DLG2: variants seen among roughly 807,000 people sequenced by gnomAD.
DLG2 encodes the protein discs large MAGUK scaffold protein 2, also known as disks large homolog 2.
A neutral mutation model predicts 132.5 loss-of-function variants in DLG2; 45 were observed. That is an observed-to-expected ratio of 0.34 (90% CI 0.27 to 0.44). The LOEUF (loss-of-function observed/expected upper bound fraction) is 0.44. Among genes scored for constraint, DLG2 ranks in the 20% least tolerant of loss-of-function variants. The pLI is 1.00. For missense variants in DLG2, 1,045 were observed against 1,196.9 expected, an observed-to-expected ratio of 0.87 and a Z score of 1.87; for synonymous variants, 424 against 419.6, an observed-to-expected ratio of 1.01 and a Z score of -0.13.
chr11:84,817,200 G>A (rs1344363143), intron 6 of DLG2, among the ~76,000 whole-genome samples: 4 of 152,004 alleles, frequency 2.6e-5, no homozygotes, highest in Non-Finnish European at 5.9e-5. Flanking sequence ...CTTACATTGT[G>A]CAGGAACCAT....
At chr11:84,776,398 C>T (rs999876941) in intron 6 of DLG2, among the ~76,000 whole-genome samples, 5 of 152,120 alleles carry the variant, frequency 3.3e-5, no homozygotes, top group Non-Finnish European at 7.4e-5. Flanking sequence ...CTCTAGCAAT[C>T]CCCCAGCCTT....
intron 4 of DLG2, among the ~76,000 whole-genome samples, chr11:85,216,191 A>C (rs2152574641): frequency 6.6e-6 from 1 of 152,272 alleles, no homozygotes; most frequent in Admixed American, 6.5e-5. Flanking sequence ...GTTTTTTAAA[A>C]GGCAGGCAAT....
chr11:85,420,015 C>T (rs1435581247), intron 3 of DLG2, among the ~76,000 whole-genome samples: 1 of 152,180 alleles, frequency 6.6e-6, no homozygotes, highest in East Asian at 1.9e-4. Context: ...AAGAGGCATT[C>T]TGGTTTTTGG....
chr11:83,802,648 C>A (rs1442672930), intron 17 of DLG2, among the ~76,000 whole-genome samples: 4 of 152,012 alleles, frequency 2.6e-5, no homozygotes, highest in African/African-American at 9.7e-5. Context: ...AGATAATGAA[C>A]TATTCATATA....
chr11:85,011,455 A>C (rs778751030), intron 6 of DLG2, among the ~76,000 whole-genome samples: 6 of 152,230 alleles, frequency 3.9e-5, no homozygotes, highest in Non-Finnish European at 8.8e-5. Flanking sequence ...AAAACTGACA[A>C]AAATATTTGA....
At chr11:84,355,064 T>G (rs528570337) in intron 7 of DLG2, among the ~76,000 whole-genome samples, 21 of 152,208 alleles carry the variant, frequency 1.4e-4, no homozygotes, top group Non-Finnish European at 2.4e-4. Flanking sequence ...CCTACTTTAG[T>G]TCACAGTGTA....
intron 4 of DLG2, among the ~76,000 whole-genome samples, chr11:85,203,937 T>C (rs745864603): frequency 1.5e-4 from 23 of 152,192 alleles, no homozygotes; most frequent in Non-Finnish European, 2.6e-4. Context: ...ACAAAAACAA[T>C]ACTATCATTT....
intron 4 of DLG2, among the ~76,000 whole-genome samples, chr11:85,246,936 A>T (rs908678948): frequency 6.6e-6 from 1 of 152,114 alleles, no homozygotes; most frequent in Non-Finnish European, 1.5e-5. Flanking sequence ...TGGGGAACCC[A>T]CTAGAATAGC....
intron 8 of DLG2, among the ~76,000 whole-genome samples, chr11:84,212,354 T>C (rs2096767845): frequency 6.6e-6 from 1 of 152,232 alleles, no homozygotes; most frequent in African/African-American, 2.4e-5. Flanking sequence ...TTGAATCTTA[T>C]ATAATTTGGG....
intron 15 of DLG2, among the ~76,000 whole-genome samples, chr11:83,891,468 G>A (rs564343773): frequency 4.3e-4 from 65 of 152,302 alleles, no homozygotes; most frequent in African/African-American, 1.5e-3. Flanking sequence ...AAGAGGTCAT[G>A]AGCGCTTTTA....
chr11:85,082,801 AT>A (rs1196407165), intron 6 of DLG2, among the ~76,000 whole-genome samples: 1 of 149,202 alleles, frequency 6.7e-6, no homozygotes, highest in African/African-American at 2.5e-5. Context: ...GTTCCCCACA[AT>A]TTAGAATTCT....
At chr11:84,795,171 C>T (rs1296683555) in intron 6 of DLG2, among the ~76,000 whole-genome samples, 1 of 152,232 alleles carries the variant, frequency 6.6e-6, no homozygotes, top group Non-Finnish European at 1.5e-5. Context: ...CAGACTTCGC[C>T]GGACTTGGGC....
At chr11:84,520,347 T>C (rs1202112896) in intron 7 of DLG2, among the ~76,000 whole-genome samples, 1 of 152,134 alleles carries the variant, frequency 6.6e-6, no homozygotes, top group Non-Finnish European at 1.5e-5. Flanking sequence ...TTTGACATGG[T>C]TTTAATAGCC....
intron 11 of DLG2, among the ~76,000 whole-genome samples, chr11:83,985,600 A>G (rs1426743279): frequency 2.6e-5 from 4 of 152,044 alleles, no homozygotes; most frequent in Non-Finnish European, 5.9e-5. Flanking sequence ...AAGTGACAAC[A>G]TGTGGTGTTT....
intron 6 of DLG2, among the ~76,000 whole-genome samples, chr11:84,720,651 T>C (rs1404073713): frequency 2.0e-5 from 3 of 151,626 alleles, no homozygotes; most frequent in African/African-American, 4.8e-5. Context: ...TACGGTGAAT[T>C]TGGGGGAGGT....
intron 8 of DLG2, among the ~76,000 whole-genome samples, chr11:84,200,802 C>T (rs768761381): frequency 2.0e-5 from 3 of 152,084 alleles, no homozygotes; most frequent in African/African-American, 4.8e-5. Context: ...GATTCGGTAT[C>T]CTGAGACTTT....
chr11:83,756,448 A>G lies in DLG2; in HGVS notation c.1825+30242T>C, dbSNP rs531370156. ...GCTTTTATGCTAAAAGCAAACAAAC[A>G]AAACAATAAGAACTTGTGAAGAGAA... On this transcript the variant is annotated intron_variant, in intron 18 of 27. Transcript: ENST00000376104. Among the ~76,000 whole-genome samples, 268 of 151,676 alleles carry G rather than the reference A, an allele frequency of 1.8e-3. 19 individuals carry two copies. Among genetic ancestry groups the G allele is most frequent in the African/African-American group, 6.5e-3 (266 of 40,932 alleles).
chr11:85,085,158 T>A (rs936984996), intron 6 of DLG2, among the ~76,000 whole-genome samples: 1 of 152,088 alleles, frequency 6.6e-6, no homozygotes, highest in Admixed American at 6.5e-5. Context: ...TCCACTGTAT[T>A]ACTGAGAAAT....
At chr11:84,995,641 T>G (rs1409459587) in intron 6 of DLG2, among the ~76,000 whole-genome samples, 1 of 152,216 alleles carries the variant, frequency 6.6e-6, no homozygotes, top group Non-Finnish European at 1.5e-5. Context: ...GAATTTTTAA[T>G]TCTTGGAACA....
Sources: allele counts gnomAD v4.1 joint callset (sites outside exome capture counted in the v4.1 genomes callset), GRCh38; gene constraint gnomAD v4.1.1; transcripts MANE v1.5; gene names NCBI Gene and HGNC (gene_info 2026-07-23, HGNC 2026-07-21).